The following SPEF2 variants were observed in gnomAD, a reference collection of about 807,000 sequenced individuals.
The protein encoded by SPEF2 is sperm flagellar and cilia associated 2.
A neutral mutation model predicts 224.6 loss-of-function variants in SPEF2; 187 were observed. The ratio of observed to expected loss-of-function variants is 0.83; its 90% CI spans 0.74 to 0.94. The LOEUF (loss-of-function observed/expected upper bound fraction) is 0.94. Among genes scored for constraint, SPEF2 ranks in the 40% least tolerant of loss-of-function variants. SPEF2 has a pLI of 0.00. For synonymous variants in SPEF2, 715 were observed against 707.3 expected (o/e 1.01, Z -0.17); for missense variants, 2,170 against 2,135.6 (o/e 1.02, Z -0.32).
At chr5:35,710,542 G>GT in intron 19 of SPEF2, 4 of 978,918 alleles carry the variant, frequency 4.1e-6, no homozygotes, top group Non-Finnish European at 4.9e-6. Context: ...GGGGGATAGA[G>GT]TGAAACTCTA....
chr5:35,711,262 A>G lies in SPEF2; in HGVS notation c.2840-1550A>G, dbSNP rs552098228. ...GGGCTAGAGTAGGCATAGTACATTG[A>G]ATCCTATTTTGTTATTTTGTTAAAA... is the stretch of plus-strand genomic sequence containing the variant. On this transcript the variant is annotated intron_variant, in intron 19 of 36. Coordinates refer to ENST00000356031, the MANE Select transcript of SPEF2 (RefSeq NM_024867.4). Among the ~76,000 whole-genome samples the G allele has an allele frequency of 3.9e-5, 6 of 152,250 alleles. No individual in the cohort carries two copies. In the South Asian group the frequency reaches 1.0e-3, roughly 26 times the overall value.
chr5:35,757,994 A>G (rs1225576593), intron 24 of SPEF2, among the ~76,000 whole-genome samples: 5 of 152,234 alleles, frequency 3.3e-5, no homozygotes, highest in African/African-American at 1.2e-4. Flanking sequence ...AACCTTTTCT[A>G]TATCAAATAC....
At chr5:35,644,309 C>T in intron 3 of SPEF2, 46 bp from the exon 4 acceptor site, 1 of 1,389,276 alleles carries the variant, frequency 7.2e-7, no homozygotes, top group Middle Eastern at 1.9e-4. Context: ...TGAAAATGTA[C>T]TCTTTATTCT....
chr5:35,666,991 A>G, intron 8 of SPEF2, 81 bp from the exon 9 acceptor site: 1 of 1,324,286 alleles, frequency 7.6e-7, no homozygotes, highest in Non-Finnish European at 1.0e-6. Context: ...CTACTGAAAG[A>G]CTTTTTGGCC....
intron 30 of SPEF2, chr5:35,790,374 T>TA: frequency 2.0e-6 from 1 of 505,692 alleles, no homozygotes; most frequent in South Asian, 3.5e-5. Flanking sequence ...TGATTAGCAA[T>TA]ATGCAAATGT....
At chr5:35,795,241 C>T (rs1756498898) in intron 32 of SPEF2, among the ~76,000 whole-genome samples, 1 of 151,814 alleles carries the variant, frequency 6.6e-6, no homozygotes, top group Non-Finnish European at 1.5e-5. Context: ...CTAAAACTAG[C>T]AATGTACACC....
At chr5:35,796,657 A>G (rs1406314054) in intron 33 of SPEF2, among the ~76,000 whole-genome samples, 1 of 152,190 alleles carries the variant, frequency 6.6e-6, no homozygotes, top group Admixed American at 6.5e-5. Flanking sequence ...TAAGACATGA[A>G]AAAAACTGAA....
chr5:35,771,320 G>A (rs1752825080), intron 26 of SPEF2, among the ~76,000 whole-genome samples: 1 of 152,104 alleles, frequency 6.6e-6, no homozygotes, highest in African/African-American at 2.4e-5. Context: ...CCATGGAGTT[G>A]TGACACTCTG....
intron 27 of SPEF2, among the ~76,000 whole-genome samples, chr5:35,773,652 TTAATTA>T (rs1192536772): frequency 1.3e-5 from 2 of 152,152 alleles, no homozygotes; most frequent in Non-Finnish European, 2.9e-5. Flanking sequence ...ACCTTATTTT[TTAATTA>T]TACTACACAA....
At chr5:35,763,005 G>T (rs1162560235) in intron 25 of SPEF2, among the ~76,000 whole-genome samples, 1 of 152,112 alleles carries the variant, frequency 6.6e-6, no homozygotes, top group African/African-American at 2.4e-5. Flanking sequence ...CCTCACATTA[G>T]TATTAGTCAT....
rs1307745234 is a variant in SPEF2 at position 35,727,736 on chromosome 5, T to C, written c.2976T>C (p.Ser992=). ...KVPVKKSPAD[S]TDTSPVAIVP... ...CAGTAAAGAAATCACCTGCTGACTC[T>C]ACAGATACATCACCTGTTGCAATAG... The change falls in exon 21 of 37, where the codon TCT becomes TCC. Residue 992 remains serine (S), a synonymous_variant. Coordinates refer to ENST00000356031, the MANE Select transcript of SPEF2 (RefSeq NM_024867.4). 6.2e-7 allele frequency: 1 copy of C among 1,613,796 alleles called. No individual in the cohort carries two copies. Among genetic ancestry groups the C allele is most frequent in the Non-Finnish European group, 8.5e-7 (1 of 1,179,822 alleles).
chr5:35,670,149 T>C lies in SPEF2; in HGVS notation c.1446T>C (p.Pro482=), dbSNP rs1294013406. ...AACAAGCCTCTGTTAAGACACTACCTGCTAACCCCTCAAGAGAACAACTTA... is the reference window on the plus strand; with the variant it reads ...AACAAGCCTCTGTTAAGACACTACCCGCTAACCCCTCAAGAGAACAACTTA... ...IYEQASVKTL[P]ANPSREQLTE... The change falls in exon 10 of 37, where the codon CCT becomes CCC. Residue 482 remains proline (P), a synonymous_variant. Coordinates refer to ENST00000356031, the MANE Select transcript of SPEF2 (RefSeq NM_024867.4). 6 of 1,612,328 alleles carry C rather than the reference T, an allele frequency of 3.7e-6. No homozygotes were observed. In the African/African-American group the frequency reaches 8.0e-5, roughly 22 times the overall value.
intron 27 of SPEF2, 59 bp downstream of exon 27, chr5:35,771,815 C>G: frequency 1.3e-6 from 2 of 1,537,292 alleles, no homozygotes; most frequent in Non-Finnish European, 1.7e-6. Context: ...TCGTAGAAAA[C>G]GAGCATTTAA....
chr5:35,794,633 G>A (rs182333490), intron 32 of SPEF2, among the ~76,000 whole-genome samples: 106 of 152,262 alleles, frequency 7.0e-4, no homozygotes, highest in East Asian at 3.5e-3. Flanking sequence ...TTAAAAGTGC[G>A]CACTCGTGAA....
Position 35,806,764 on chromosome 5 carries a change from G to T in SPEF2, c.5068G>T (p.Ala1690Ser). 3 of 1,614,006 alleles carry T rather than the reference G, an allele frequency of 1.9e-6. No individual in the cohort carries two copies. The highest frequency in any genetic ancestry group is 2.5e-6 in the Non-Finnish European group (3 of 1,179,984). ...EEFPEPEENA[A>S]REERKLKDDT... ...ATTTCCTGAACCTGAGGAAAATGCT[G>T]CAAGAGAAGAAAGGAAATTAAAAGA... The change falls in exon 35 of 37, where the codon GCA (alanine) becomes TCA (serine). Residue 1690 changes from alanine to serine, a missense_variant. Ala to Ser is a moderately conservative substitution (Grantham distance 99, BLOSUM62 1). Coordinates refer to ENST00000356031, the MANE Select transcript of SPEF2 (RefSeq NM_024867.4).
At chr5:35,626,878 T>C (rs145784481) in intron 1 of SPEF2, among the ~76,000 whole-genome samples, 4 of 152,188 alleles carry the variant, frequency 2.6e-5, no homozygotes, top group African/African-American at 9.6e-5. Flanking sequence ...CAGTGGCTGT[T>C]ATGGAGCAAC....
intron 13 of SPEF2, among the ~76,000 whole-genome samples, 194 bp from the exon 14 acceptor site, chr5:35,695,541 G>A (rs1755185296): frequency 6.6e-6 from 1 of 152,104 alleles, no homozygotes; most frequent in Admixed American, 6.5e-5. Context: ...AAGACACATA[G>A]TGACCAGGAT....
At chr5:35,670,849 A>T in intron 10 of SPEF2, 1 of 980,538 alleles carries the variant, frequency 1.0e-6, no homozygotes, top group South Asian at 4.7e-5. Flanking sequence ...TCCATTTTTC[A>T]ATTAATGGAA....
chr5:35,800,210 C>G (rs1249126657), intron 34 of SPEF2, 63 bp downstream of exon 34: 4 of 1,543,954 alleles, frequency 2.6e-6, no homozygotes, highest in Non-Finnish European at 3.5e-6. Context: ...AGATCCTAAA[C>G]TGACAACAAG....
Sources: allele counts gnomAD v4.1 joint callset (sites outside exome capture counted in the v4.1 genomes callset), GRCh38; gene constraint gnomAD v4.1.1; transcripts MANE v1.5; gene names NCBI Gene and HGNC (gene_info 2026-07-23, HGNC 2026-07-21).